Variants in NT5DC3 observed in about 807,000 individuals in gnomAD.
The protein encoded by NT5DC3 is 5'-nucleotidase domain containing 3, also known as 5'-nucleotidase domain-containing protein 3.
In NT5DC3, 42 loss-of-function variants were observed where a neutral mutation model predicts 67.8. The observed-to-expected ratio is 0.62, with a 90% CI of 0.48 to 0.80. NT5DC3 has a LOEUF of 0.80. Among genes scored for constraint, NT5DC3 ranks in the 30% least tolerant of loss-of-function variants. NT5DC3 has a pLI of 0.00. For missense variants in NT5DC3, 570 were observed against 696.4 expected (o/e 0.82, Z 2.04); for synonymous variants, 237 against 255.6 (o/e 0.93, Z 0.69).
intron 12 of NT5DC3, among the ~76,000 whole-genome samples, chr12:103,780,870 C>CTTTGCAA (rs1302009143): frequency 1.1e-4 from 17 of 152,172 alleles, no homozygotes; most frequent in Non-Finnish European, 1.8e-4. Context: ...AAAGTATGTG[C>CTTTGCAA]TTACATTTGG....
At chr12:103,761,086 A>AG in the NT5DC3 span, among the ~76,000 whole-genome samples, 2 of 152,188 alleles carry the variant, frequency 1.3e-5, no homozygotes, top group East Asian at 3.9e-4. Flanking sequence ...ATGACCCATA[A>AG]GGTTCTCTGC....
At chr12:103,758,518 G>A in the NT5DC3 span, among the ~76,000 whole-genome samples, 9 of 152,186 alleles carry the variant, frequency 5.9e-5, no homozygotes, top group Non-Finnish European at 1.0e-4. Context: ...AACTCTCATC[G>A]TCCAACAGGC....
At chr12:103,755,484 C>T in the NT5DC3 span, 1 of 1,612,668 alleles carries the variant, frequency 6.2e-7, no homozygotes, top group East Asian at 2.2e-5. Flanking sequence ...GCCCCAGCTA[C>T]ACTTCAGGTT....
intron 2 of NT5DC3, among the ~76,000 whole-genome samples, chr12:103,807,198 A>ACTCTCTC (rs1886837451): frequency 6.6e-6 from 1 of 151,128 alleles, no homozygotes; most frequent in Non-Finnish European, 1.5e-5. Context: ...ACTTCTCTCA[A>ACTCTCTC]CTCTCTCCTC....
chr12:103,780,439 G>A (rs1410975539), intron 12 of NT5DC3, 75 bp from the exon 13 acceptor site: 9 of 1,383,874 alleles, frequency 6.5e-6, no homozygotes. Context: ...ATTTTTTAAT[G>A]AGCAGTTTTT....
At chr12:103,803,894 A>G (rs886494529) in intron 4 of NT5DC3, among the ~76,000 whole-genome samples, 19 of 148,488 alleles carry the variant, frequency 1.3e-4, no homozygotes, top group African/African-American at 4.5e-4. Context: ...AGGGACTCCA[A>G]CTATCCCTTG....
At chr12:103,784,772 T>C (rs952204607) in intron 12 of NT5DC3, among the ~76,000 whole-genome samples, 28 of 152,294 alleles carry the variant, frequency 1.8e-4, no homozygotes, top group African/African-American at 5.5e-4. Context: ...CATTCCTCAC[T>C]TACCAGCCAA....
chr12:103,757,030 T>TATATATATAA, the NT5DC3 span, among the ~76,000 whole-genome samples: 1 of 143,072 alleles, frequency 7.0e-6, no homozygotes, highest in East Asian at 2.0e-4. Flanking sequence ...TATATATATA[T>TATATATATAA]AAAATATATA....
At chr12:103,771,739 C>T (rs1218440277), downstream of NT5DC3, among the ~76,000 whole-genome samples, 4 of 152,230 alleles carry the variant, frequency 2.6e-5, no homozygotes, top group East Asian at 1.9e-4. Context: ...CATTCCACAT[C>T]GTCGGGATTT....
chr12:103,794,142 T>TTTA, intron 6 of NT5DC3, 145 bp from the exon 7 acceptor site: 7 of 604,428 alleles, frequency 1.2e-5, no homozygotes, highest in East Asian at 9.1e-5. Flanking sequence ...TCTGGTCCAT[T>TTTA]TTCTTCTTCT....
At chr12:103,835,905 T>C (rs1888124346) in intron 1 of NT5DC3, among the ~76,000 whole-genome samples, 1 of 152,222 alleles carries the variant, frequency 6.6e-6, no homozygotes, top group Non-Finnish European at 1.5e-5. Flanking sequence ...TCCACATGGC[T>C]GGGGAGGCCT....
At chr12:103,765,598 G>A (rs771005057), downstream of NT5DC3, among the ~76,000 whole-genome samples, 20 of 152,204 alleles carry the variant, frequency 1.3e-4, no homozygotes, top group Non-Finnish European at 2.4e-4. Flanking sequence ...GGGTCCTGGT[G>A]TGTCACGCAG....
the NT5DC3 span, among the ~76,000 whole-genome samples, chr12:103,754,038 T>C: frequency 6.6e-6 from 1 of 152,212 alleles, no homozygotes; most frequent in African/African-American, 2.4e-5. Context: ...AGTTCCAGGC[T>C]GGTGGTTTAT....
chr12:103,825,640 A>T (rs962995947), intron 1 of NT5DC3, among the ~76,000 whole-genome samples: 1 of 152,168 alleles, frequency 6.6e-6, no homozygotes, highest in Non-Finnish European at 1.5e-5. Context: ...AAAAAATTTT[A>T]AAAGTAGCCA....
intron 1 of NT5DC3, among the ~76,000 whole-genome samples, chr12:103,834,446 A>T (rs1373062724): frequency 6.6e-6 from 1 of 152,244 alleles, no homozygotes; most frequent in Non-Finnish European, 1.5e-5. Context: ...AAACTGTTAC[A>T]GCCTAAAGAA....
rs1885395268 is a variant in NT5DC3, at chr12:103,777,882, C to A, written c.1594G>T (p.Glu532Ter). 3 of 1,614,216 alleles carry A rather than the reference C, an allele frequency of 1.9e-6. No individual in the cohort carries two copies. Among genetic ancestry groups the A allele is most frequent in the Non-Finnish European group, 2.5e-6 (3 of 1,180,040 alleles). Reference sequence around the variant, plus strand: ...GGGGTTCCGAAGGTGGGGGGCCTTTCTGACCAGGCGGGCAGTTCGTGCTGC... The same window carrying A: ...GGGGTTCCGAAGGTGGGGGGCCTTTATGACCAGGCGGGCAGTTCGTGCTGC... ...PLQHELPAWSERPPTFGTPLL... is the reference protein window; with the variant it reads ...PLQHELPAWS The change falls in exon 14 of 14, where the codon GAA (glutamate) becomes TAA (stop). Residue 532 changes from glutamate (E) to a stop codon, truncating the protein, a stop_gained. Transcript: ENST00000392876. LOFTEE classifies it high-confidence loss of function.
At chr12:103,788,960 C>T in intron 9 of NT5DC3, 41 bp from the exon 10 acceptor site, 1 of 1,268,844 alleles carries the variant, frequency 7.9e-7, no homozygotes, top group Admixed American at 1.7e-5. Context: ...TGGAGTAGTA[C>T]AGGCTGTCTG....
At chr12:103,765,723 G>A (rs1291379983), downstream of NT5DC3, among the ~76,000 whole-genome samples, 2 of 143,576 alleles carry the variant, frequency 1.4e-5, no homozygotes, top group Non-Finnish European at 3.1e-5. Flanking sequence ...TGTATTTTTT[G>A]TAGAGATAAG....
At chr12:103,759,871 C>T in the NT5DC3 span, among the ~76,000 whole-genome samples, 1 of 152,182 alleles carries the variant, frequency 6.6e-6, no homozygotes, top group Admixed American at 6.5e-5. Context: ...CAAGGGAACC[C>T]TCATATGGAG....
Sources: gnomAD v4.1 joint callset for allele counts (sites outside exome capture counted in the v4.1 genomes callset) on GRCh38, gnomAD v4.1.1 for gene constraint, MANE v1.5 for transcripts, NCBI Gene and HGNC (gene_info 2026-07-23, HGNC 2026-07-21) for gene names.